The following CACNA2D4 variants were observed in gnomAD, a reference collection of about 807,000 sequenced individuals.
CACNA2D4 encodes calcium voltage-gated channel auxiliary subunit alpha2delta 4.
In CACNA2D4, 157 loss-of-function variants were observed where a neutral mutation model predicts 163.8. The observed-to-expected ratio is 0.96, with a 90% CI of 0.84 to 1.09. The LOEUF is 1.09. Ranked by LOEUF, CACNA2D4 falls within the 50% of genes least tolerant of loss-of-function variation. The pLI, the probability that CACNA2D4 is intolerant of heterozygous loss-of-function variation, is 0.00. For synonymous variants in CACNA2D4, 598 were observed against 586.9 expected (o/e 1.02, Z -0.27); for missense variants, 1,410 against 1,479.9 (o/e 0.95, Z 0.78).
rs1863234910 is a variant in CACNA2D4 at position 1,799,401 on chromosome 12, C to G, written c.2995+274G>C. On this transcript the variant is annotated intron_variant, in intron 34 of 37. Transcript: ENST00000382722. The surrounding 1 kb of genome is among the most constrained non-coding windows in gnomAD (Gnocchi z 4.7). Reference sequence around the variant, plus strand: ...TCATACTGGCTCATGGCCACCCGGCCACACCACCGGCTTCCTCTTGGAATC... The same window carrying G: ...TCATACTGGCTCATGGCCACCCGGCGACACCACCGGCTTCCTCTTGGAATC... Among the ~76,000 whole-genome samples the G allele has an allele frequency of 6.6e-6, 1 of 152,182 alleles. No individual in the cohort carries two copies. Among genetic ancestry groups the G allele is most frequent in the African/African-American group, 2.4e-5 (1 of 41,450 alleles).
intron 16 of CACNA2D4, among the ~76,000 whole-genome samples, chr12:1,876,600 C>T (rs991135703): frequency 2.8e-4 from 42 of 152,078 alleles, no homozygotes; most frequent in Admixed American, 2.4e-3. Context: ...ATCTTGCTTC[C>T]GCCAGTTTTT....
chr12:1,824,839 T>G (rs904778395), intron 26 of CACNA2D4, among the ~76,000 whole-genome samples: 1 of 152,050 alleles, frequency 6.6e-6, no homozygotes, highest in African/African-American at 2.4e-5. Flanking sequence ...CAGCCCCACC[T>G]CTCTCTAGGA....
At chr12:1,907,207 G>T (rs893522782) in intron 6 of CACNA2D4, among the ~76,000 whole-genome samples, 4 of 152,216 alleles carry the variant, frequency 2.6e-5, no homozygotes, top group African/African-American at 9.6e-5. Context: ...TCATTGACTG[G>T]TTTCATGGTG....
chr12:1,857,116 G>A (rs1016067750), intron 20 of CACNA2D4, among the ~76,000 whole-genome samples: 2 of 152,224 alleles, frequency 1.3e-5, no homozygotes, highest in Non-Finnish European at 2.9e-5. Context: ...GAAGAAGGAA[G>A]AAGGCACGAT....
chr12:1,857,633 T>C (rs1037929312), intron 20 of CACNA2D4, among the ~76,000 whole-genome samples: 8 of 152,038 alleles, frequency 5.3e-5, no homozygotes, highest in South Asian at 2.1e-4. Context: ...CTGAGATAGG[T>C]TGTGGTCTCC....
intron 25 of CACNA2D4, among the ~76,000 whole-genome samples, chr12:1,841,874 A>G (rs546549449): frequency 6.4e-4 from 97 of 152,334 alleles, no homozygotes; most frequent in Admixed American, 9.2e-4. Context: ...CTAAAACTGC[A>G]GTCTGATTCC....
chr12:1,858,724 C>T, intron 19 of CACNA2D4, 80 bp from the exon 20 acceptor site: 1 of 1,119,396 alleles, frequency 8.9e-7, no homozygotes, highest in Non-Finnish European at 1.3e-6. Context: ...TTGCCCTTAC[C>T]AACACTAGGT....
rs931544350 is a variant in CACNA2D4, at chr12:1,869,339, C to T, written c.1878+5265G>A. On this transcript the variant is annotated intron_variant, in intron 18 of 37. Transcript: ENST00000382722. This position sits in a 1 kb window ranked among gnomAD's most constrained non-coding sequence, Gnocchi z 4.7. The stretch of plus-strand genomic sequence containing the variant: ...CTCTGCCACTCTTTGCTGTAACCTA[C>T]CGTCGTGCTTTCTAGGCATGGGCCG... Among the ~76,000 whole-genome samples the T allele has an allele frequency of 7.2e-5, 11 of 152,326 alleles. No individual in the cohort carries two copies. The highest frequency in any genetic ancestry group is 2.6e-4 in the African/African-American group (11 of 41,554).
intron 26 of CACNA2D4, among the ~76,000 whole-genome samples, chr12:1,838,336 C>CG (rs1458210930): frequency 1.3e-5 from 2 of 152,138 alleles, no homozygotes; most frequent in African/African-American, 4.8e-5. Flanking sequence ...CAATCGTCAC[C>CG]ATACAGCCCC....
At chr12:1,911,215 G>C (rs1358042215) in intron 3 of CACNA2D4, among the ~76,000 whole-genome samples, 1 of 151,944 alleles carries the variant, frequency 6.6e-6, no homozygotes, top group Non-Finnish European at 1.5e-5. Flanking sequence ...GTAGAGACAG[G>C]GTTTCACGTG....
Position 1,834,433 on chromosome 12 carries a change from G to A in CACNA2D4, c.2551+6306C>T, listed in dbSNP as rs768306678. 7.4e-6 allele frequency: 12 copies of A among 1,612,678 alleles called. No individual in the cohort carries two copies. The South Asian group carries it at 1.2e-4, about 16-fold the overall frequency. On this transcript the variant is annotated intron_variant, in intron 26 of 37. Transcript: ENST00000382722. The surrounding 1 kb of genome is among the most constrained non-coding windows in gnomAD (Gnocchi z 7.6). ...CACCCTGCACCAAGGCCAGTCCAGAGCCTGCTAAGCCCAAGCCCGGGGCTG... is the reference window on the plus strand; with the variant it reads ...CACCCTGCACCAAGGCCAGTCCAGAACCTGCTAAGCCCAAGCCCGGGGCTG...
At position 1,844,499 on chromosome 12, in the gene CACNA2D4, G is replaced by A. The variant is rs886049127; in HGVS notation, c.2373C>T (p.Ser791=). 9 of 1,613,252 alleles carry A rather than the reference G, an allele frequency of 5.6e-6. No homozygotes were observed. The highest frequency in any genetic ancestry group is 7.6e-6 in the Non-Finnish European group (9 of 1,179,628). The part of the protein sequence containing the change: ...RKFLTPEDEA[S]VFTLDRFPLW... ...GCGGGAAGCGGTCCAGGGTGAACAC[G>A]CTGGCCTCGTCCTCAGGTGTCAGGA... Residue 791 remains serine (S), a synonymous_variant, in exon 25 of 38, where the codon AGC becomes AGT. Coordinates refer to ENST00000382722, the MANE Select transcript of CACNA2D4 (RefSeq NM_172364.5). This position sits in a 1 kb window ranked among gnomAD's most constrained non-coding sequence, Gnocchi z 4.2.
Position 1,799,294 on chromosome 12 carries a change from G to C in CACNA2D4, c.2995+381C>G, listed in dbSNP as rs1365040523. 6.6e-6 allele frequency among the ~76,000 whole-genome samples: 1 copy of C among 152,180 alleles called. No individual in the cohort carries two copies. The highest frequency in any genetic ancestry group is 1.5e-5 in the Non-Finnish European group (1 of 68,024). On this transcript the variant is annotated intron_variant, in intron 34 of 37. Coordinates refer to ENST00000382722, the MANE Select transcript of CACNA2D4 (RefSeq NM_172364.5). The surrounding 1 kb of genome is among the most constrained non-coding windows in gnomAD (Gnocchi z 4.7). ...AGGGGAATCATCCTGAGAGCTTCCT[G>C]GGGCCCCTGGAACCCGGAGTCCCGC... is the stretch of plus-strand genomic sequence containing the variant.
intron 18 of CACNA2D4, among the ~76,000 whole-genome samples, chr12:1,871,184 C>CAT (rs112235282): frequency 0.093 from 13,496 of 144,808 alleles, 1,583 homozygotes; most frequent in African/African-American, 0.29. Flanking sequence ...CCTGTGTACA[C>CAT]GTGTTGCTGG....
intron 18 of CACNA2D4, among the ~76,000 whole-genome samples, chr12:1,864,484 T>C (rs1865597141): frequency 6.6e-6 from 1 of 152,232 alleles, no homozygotes; most frequent in Non-Finnish European, 1.5e-5. Flanking sequence ...GAAGCACATT[T>C]GAGAAATGTT....
chr12:1,915,472 G>T (rs1043988002), intron 1 of CACNA2D4, among the ~76,000 whole-genome samples: 1 of 152,196 alleles, frequency 6.6e-6, no homozygotes, highest in South Asian at 2.1e-4. Context: ...AGGACAACCT[G>T]CCTGGCCACA....
In CACNA2D4 at chr12:1,915,879, C is replaced by T. The variant is rs376946898; in HGVS notation, c.228-944G>A. Reference sequence around the variant, plus strand: ...TCACTCAACCAATGTTTATCAAGGTCCTACCATGTGGCAGCCTGGAGCCAC... The same window carrying T: ...TCACTCAACCAATGTTTATCAAGGTTCTACCATGTGGCAGCCTGGAGCCAC... On this transcript the variant is annotated intron_variant, in intron 1 of 37. Coordinates refer to ENST00000382722, the MANE Select transcript of CACNA2D4 (RefSeq NM_172364.5). Among the ~76,000 whole-genome samples, 14 of 152,352 alleles carry T rather than the reference C, an allele frequency of 9.2e-5. 1 individual carries two copies. Among genetic ancestry groups the T allele is most frequent in the Admixed American group, 3.3e-4 (5 of 15,312 alleles).
At position 1,833,133 on chromosome 12, in the gene CACNA2D4, G is replaced by A. The variant is rs987550219; in HGVS notation, c.2551+7606C>T. On this transcript the variant is annotated intron_variant, in intron 26 of 37. Coordinates refer to ENST00000382722, the MANE Select transcript of CACNA2D4 (RefSeq NM_172364.5). This position sits in a 1 kb window ranked among gnomAD's most constrained non-coding sequence, Gnocchi z 4.2. ...GCAGTTTTCAGACTTTTTCAATAGC[G>A]GAGTTGCTTTCAACATTGCATTTCT... is the stretch of plus-strand genomic sequence containing the variant. Among the ~76,000 whole-genome samples the A allele has an allele frequency of 5.3e-5, 8 of 152,200 alleles. No homozygotes were observed. The highest frequency in any genetic ancestry group is 7.3e-5 in the Non-Finnish European group (5 of 68,042).
rs748328734 is a variant in CACNA2D4, at chr12:1,884,273, G to C, written c.1321C>G (p.Arg441Gly). 15 of 1,612,328 alleles carry C rather than the reference G, an allele frequency of 9.3e-6. No homozygotes were observed. The highest frequency in any genetic ancestry group is 1.3e-5 in the African/African-American group (1 of 74,878). Reference sequence around the variant, plus strand: ...TTGTTGCATGCAATCCACTTCATGCGGTCAGCAAAAGACACTTCTCTCCCA... The same window carrying C: ...TTGTTGCATGCAATCCACTTCATGCCGTCAGCAAAAGACACTTCTCTCCCA... ...LIGREVSFAD[R>G]MKWIACNNKG... is the part of the protein sequence containing the mutation. Residue 441 changes from arginine (R) to glycine (G), a missense_variant, in exon 12 of 38, where the codon CGC becomes GGC. Coordinates refer to ENST00000382722, the MANE Select transcript of CACNA2D4 (RefSeq NM_172364.5).
Sources: gnomAD v4.1 joint callset for allele counts (sites outside exome capture counted in the v4.1 genomes callset) on GRCh38, gnomAD v4.1.1 for gene constraint, Gnocchi (gnomAD v3.1) non-coding constraint, MANE v1.5 for transcripts, NCBI Gene and HGNC (gene_info 2026-07-23, HGNC 2026-07-21) for gene names.